The following C7orf78 variants were observed in gnomAD, a reference collection of about 807,000 sequenced individuals.
The protein encoded by C7orf78 is putative uncharacterized protein C7orf78.
At chr7:12,507,461 G>T in the C7orf78 span, 1 of 205,532 alleles carries the variant, frequency 4.9e-6, no homozygotes, top group South Asian at 1.0e-4. Flanking sequence ...AAATATCTCT[G>T]ATGGATTCTA....
At chr7:12,508,572 T>C in the C7orf78 span, among the ~76,000 whole-genome samples, 1 of 152,326 alleles carries the variant, frequency 6.6e-6, no homozygotes, top group African/African-American at 2.4e-5. Flanking sequence ...TGTACTTTGA[T>C]AGTTTGTATA....
chr7:12,526,146 G>C, the C7orf78 span, among the ~76,000 whole-genome samples: 3 of 152,050 alleles, frequency 2.0e-5, no homozygotes, highest in Admixed American at 6.6e-5. Context: ...AATAAATAGA[G>C]TGTAATGCTT....
the C7orf78 span, among the ~76,000 whole-genome samples, chr7:12,508,456 A>G: frequency 6.6e-6 from 1 of 152,194 alleles, no homozygotes; most frequent in African/African-American, 2.4e-5. Flanking sequence ...TATGTAAGGA[A>G]ACTAACCTAT....
At chr7:12,493,360 T>A in the C7orf78 span, among the ~76,000 whole-genome samples, 2 of 152,320 alleles carry the variant, frequency 1.3e-5, no homozygotes, top group East Asian at 1.9e-4. Context: ...TGCTAACAGA[T>A]AAAATAAAAT....
the C7orf78 span, among the ~76,000 whole-genome samples, chr7:12,489,493 T>C: frequency 2.0e-5 from 3 of 152,162 alleles, no homozygotes; most frequent in Admixed American, 2.0e-4. Flanking sequence ...ACACTTAATA[T>C]ATATAACTAA....
chr7:12,522,650 C>T, the C7orf78 span, among the ~76,000 whole-genome samples: 2 of 152,062 alleles, frequency 1.3e-5, no homozygotes, highest in Non-Finnish European at 2.9e-5. Flanking sequence ...TCTCATAATA[C>T]TTGCAATATC....
the C7orf78 span, among the ~76,000 whole-genome samples, chr7:12,533,436 G>T: frequency 3.2e-4 from 48 of 151,556 alleles, no homozygotes; most frequent in African/African-American, 1.2e-3. Flanking sequence ...CCTGACCTCA[G>T]GTGATCAACC....
At chr7:12,511,167 T>C in the C7orf78 span, among the ~76,000 whole-genome samples, 2 of 152,118 alleles carry the variant, frequency 1.3e-5, no homozygotes, top group Non-Finnish European at 2.9e-5. Context: ...AGGTTCTTGG[T>C]GGCTTTGAGG....
chr7:12,504,227 T>C, the C7orf78 span, among the ~76,000 whole-genome samples: 5 of 152,166 alleles, frequency 3.3e-5, no homozygotes, highest in African/African-American at 1.2e-4. Flanking sequence ...TCTCTTTCTG[T>C]GTATTTACTG....
At chr7:12,524,360 A>G in the C7orf78 span, among the ~76,000 whole-genome samples, 2 of 152,208 alleles carry the variant, frequency 1.3e-5, no homozygotes, top group African/African-American at 4.8e-5. Context: ...TGGAAAATAC[A>G]GGGAGCTATA....
At chr7:12,541,384 A>G in the C7orf78 span, 5 of 152,196 alleles carry the variant, frequency 3.3e-5, no homozygotes, top group Non-Finnish European at 7.3e-5. Context: ...ATATTCTACT[A>G]AAGGATGACT....
At chr7:12,500,369 T>C in the C7orf78 span, among the ~76,000 whole-genome samples, 106 of 150,420 alleles carry the variant, frequency 7.0e-4, no homozygotes, top group African/African-American at 2.0e-3. Context: ...AAGAATCAAA[T>C]AGACGCAATA....
At chr7:12,531,207 A>G in the C7orf78 span, 1 of 393,942 alleles carries the variant, frequency 2.5e-6, no homozygotes, top group South Asian at 1.4e-4. Context: ...CTACTGTCAT[A>G]GGAACTATAA....
chr7:12,500,346 G>T, the C7orf78 span, among the ~76,000 whole-genome samples: 1 of 150,732 alleles, frequency 6.6e-6, no homozygotes, highest in African/African-American at 2.4e-5. Flanking sequence ...GACTAGTAAA[G>T]AAAAAAAGAG....
the C7orf78 span, among the ~76,000 whole-genome samples, chr7:12,531,485 T>G: frequency 6.6e-5 from 10 of 152,156 alleles, no homozygotes; most frequent in Non-Finnish European, 1.5e-4. Context: ...CTTGGATGAT[T>G]TGCTTAAATT....
the C7orf78 span, among the ~76,000 whole-genome samples, chr7:12,498,194 A>G: frequency 1.3e-5 from 2 of 152,102 alleles, no homozygotes; most frequent in Non-Finnish European, 2.9e-5. Flanking sequence ...CCTCCAAAGG[A>G]ACGCAGCTCC....
At chr7:12,527,047 C>A in the C7orf78 span, among the ~76,000 whole-genome samples, 22 of 121,394 alleles carry the variant, frequency 1.8e-4, no homozygotes, top group African/African-American at 7.4e-4. Context: ...ATGTGTCACT[C>A]ACTATGGTAG....
chr7:12,495,479 T>G, the C7orf78 span, among the ~76,000 whole-genome samples: 14,511 of 152,238 alleles, frequency 0.095, 851 homozygotes, highest in Non-Finnish European at 0.13. Context: ...AATATGTTAT[T>G]TTACTATCCT....
the C7orf78 span, among the ~76,000 whole-genome samples, chr7:12,536,364 C>T: frequency 6.6e-6 from 1 of 152,206 alleles, no homozygotes; most frequent in African/African-American, 2.4e-5. Flanking sequence ...ACGTTGGCCT[C>T]TTCCAGCCAT....
Sources: gnomAD v4.1 joint callset for allele counts (sites outside exome capture counted in the v4.1 genomes callset) on GRCh38, gnomAD v4.1.1 for gene constraint, MANE v1.5 for transcripts, NCBI Gene and HGNC (gene_info 2026-07-23, HGNC 2026-07-21) for gene names.